TENM3: variants seen among roughly 807,000 people sequenced by gnomAD.
TENM3 encodes the protein teneurin-3.
Under a neutral mutation model 255.1 loss-of-function variants are expected in TENM3, and 63 were observed. The observed-to-expected ratio is 0.25, with a 90% CI of 0.20 to 0.30. The LOEUF is 0.30. Ranked by LOEUF, TENM3 falls within the 10% of genes least tolerant of loss-of-function variation. The pLI, the probability that TENM3 is intolerant of heterozygous loss-of-function variation, is 1.00. For synonymous variants in TENM3, 1,306 were observed against 1,322.3 expected (o/e 0.99, Z 0.27); for missense variants, 2,929 against 3,461.1 (o/e 0.85, Z 3.86).
intron 3 of TENM3, among the ~76,000 whole-genome samples, chr4:182,598,369 C>A (rs1390866288): frequency 6.6e-6 from 1 of 152,154 alleles, no homozygotes; most frequent in African/African-American, 2.4e-5. Context: ...CACTGCTGCA[C>A]TAGCCTGGGC....
chr4:181,537,726 A>C, the TENM3 span, among the ~76,000 whole-genome samples: 8 of 152,226 alleles, frequency 5.3e-5, no homozygotes, highest in Non-Finnish European at 1.0e-4. Flanking sequence ...AAGGTCACGC[A>C]ACTAACAAGA....
the TENM3 span, among the ~76,000 whole-genome samples, chr4:182,042,354 A>C: frequency 6.6e-6 from 1 of 152,160 alleles, no homozygotes; most frequent in Admixed American, 6.5e-5. Context: ...CTTTCCATAA[A>C]ATGGAAAGTG....
chr4:181,757,775 C>T, the TENM3 span, among the ~76,000 whole-genome samples: 1 of 152,144 alleles, frequency 6.6e-6, no homozygotes, highest in South Asian at 2.1e-4. Context: ...TTAGAAGTTT[C>T]ATCTCCCTTA....
At chr4:181,955,184 C>T in the TENM3 span, among the ~76,000 whole-genome samples, 17 of 152,190 alleles carry the variant, frequency 1.1e-4, no homozygotes, top group African/African-American at 3.9e-4. Flanking sequence ...TATTCTAGGA[C>T]ATAATAATTA....
At chr4:182,741,526 A>G (rs1761605416) in intron 18 of TENM3, among the ~76,000 whole-genome samples, 1 of 152,222 alleles carries the variant, frequency 6.6e-6, no homozygotes, top group South Asian at 2.1e-4. Context: ...TGACTGAATA[A>G]ATCAGATGTT....
At chr4:182,192,448 G>A (rs956558670) in intron 1 of TENM3, among the ~76,000 whole-genome samples, 2 of 152,060 alleles carry the variant, frequency 1.3e-5, no homozygotes, top group East Asian at 1.9e-4. Flanking sequence ...TGATGTATTC[G>A]CTGGAAGTCA....
intron 7 of TENM3, among the ~76,000 whole-genome samples, chr4:182,677,527 A>G (rs1755764662): frequency 6.6e-6 from 1 of 152,208 alleles, no homozygotes; most frequent in African/African-American, 2.4e-5. Flanking sequence ...GAGGAAATGA[A>G]TGGCTTATTT....
At chr4:181,575,479 G>GA in the TENM3 span, among the ~76,000 whole-genome samples, 11 of 151,984 alleles carry the variant, frequency 7.2e-5, no homozygotes, top group African/African-American at 2.4e-4. Flanking sequence ...TGGTACCACT[G>GA]AAAAAAAGAC....
the TENM3 span, among the ~76,000 whole-genome samples, chr4:181,767,135 C>T: frequency 6.8e-6 from 1 of 146,662 alleles, no homozygotes. Context: ...GCCTGTAGTC[C>T]CAGCTACTCG....
the TENM3 span, among the ~76,000 whole-genome samples, chr4:181,855,021 T>C: frequency 3.3e-5 from 5 of 152,302 alleles, no homozygotes; most frequent in East Asian, 3.9e-4. Context: ...GTGGTTGAGA[T>C]AGACAAGCGA....
chr4:181,961,020 A>G, the TENM3 span, among the ~76,000 whole-genome samples: 2 of 152,112 alleles, frequency 1.3e-5, no homozygotes, highest in Non-Finnish European at 2.9e-5. Context: ...CAGGGGTGCA[A>G]AGGGCCTGCT....
chr4:181,887,179 G>A, the TENM3 span, among the ~76,000 whole-genome samples: 1 of 151,652 alleles, frequency 6.6e-6, no homozygotes, highest in Non-Finnish European at 1.5e-5. Flanking sequence ...TCCTTTCTGA[G>A]CCCCAGATTC....
the TENM3 span, among the ~76,000 whole-genome samples, chr4:182,007,035 G>A: frequency 2.8e-3 from 423 of 152,244 alleles, 2 homozygotes; most frequent in South Asian, 5.6e-3. Flanking sequence ...AAATTGTGTG[G>A]TTTTGAGTGA....
chr4:182,793,044 C>T lies in TENM3; in HGVS notation c.6372C>T (p.Asn2124=), dbSNP rs1766227738. 1.2e-6 allele frequency: 2 copies of T among 1,613,848 alleles called. No individual in the cohort carries two copies. The highest frequency in any genetic ancestry group is 2.2e-5 in the South Asian group (2 of 91,088). ...AGATTAAAATAGGGCCCTTTGCCAA[C>T]ACCACCAAATATGCTTATGAATATG... ...KREIKIGPFA[N]TTKYAYEYDV... is the part of the protein sequence containing the mutation. Residue 2124 remains asparagine, a synonymous_variant, in exon 26 of 28, where the codon AAC becomes AAT. Transcript: ENST00000511685. The surrounding 1 kb of genome is among the most constrained non-coding windows in gnomAD (Gnocchi z 5.7).
chr4:182,013,901 G>C, the TENM3 span, among the ~76,000 whole-genome samples: 1 of 148,394 alleles, frequency 6.7e-6, no homozygotes, highest in African/African-American at 2.5e-5. Context: ...AAGTACTACA[G>C]TATAATACTT....
At chr4:182,403,609 T>C (rs1265996537) in intron 3 of TENM3, among the ~76,000 whole-genome samples, 1 of 152,254 alleles carries the variant, frequency 6.6e-6, no homozygotes, top group Admixed American at 6.5e-5. Context: ...TATCTGTTTT[T>C]CTAGAAGTAG....
chr4:181,495,521 C>T, the TENM3 span, among the ~76,000 whole-genome samples: 3 of 150,702 alleles, frequency 2.0e-5, no homozygotes, highest in African/African-American at 7.3e-5. Flanking sequence ...CCTAAAGCTC[C>T]TTAGGACAGG....
At chr4:182,587,021 T>C (rs1346601240) in intron 3 of TENM3, among the ~76,000 whole-genome samples, 5 of 152,196 alleles carry the variant, frequency 3.3e-5, no homozygotes, top group African/African-American at 1.2e-4. Flanking sequence ...ACTGAATCTT[T>C]TTGCTAAAAA....
chr4:182,363,272 A>G (rs950376548), intron 3 of TENM3, among the ~76,000 whole-genome samples: 1 of 151,984 alleles, frequency 6.6e-6, no homozygotes, highest in African/African-American at 2.4e-5. Context: ...TGATGTGAGT[A>G]TGTGATATTT....
Sources: allele counts gnomAD v4.1 joint callset (sites outside exome capture counted in the v4.1 genomes callset), GRCh38; gene constraint gnomAD v4.1.1; non-coding constraint Gnocchi (gnomAD v3.1); transcripts MANE v1.5; gene names NCBI Gene and HGNC (gene_info 2026-07-23, HGNC 2026-07-21).